GRIK1: variants seen among roughly 807,000 people sequenced by gnomAD.
The protein encoded by GRIK1 is glutamate ionotropic receptor kainate type subunit 1, also known as glutamate receptor ionotropic, kainate 1.
Under a neutral mutation model 105.7 loss-of-function variants are expected in GRIK1, and 69 were observed. The observed-to-expected ratio is 0.65, with a 90% CI of 0.54 to 0.80. The LOEUF (loss-of-function observed/expected upper bound fraction) is 0.80, where lower values mean the gene tolerates loss of function less well. Among genes scored for constraint, GRIK1 ranks in the 30% least tolerant of loss-of-function variants. The probability of loss-of-function intolerance (pLI) is 0.00; values close to 1 mark genes in which losing one functional copy is unlikely to be tolerated. For missense variants in GRIK1, 1,109 were observed against 1,167.3 expected (o/e 0.95, Z 0.73); for synonymous variants, 438 against 431.3 (o/e 1.02, Z -0.19).
rs1568814323 is a variant in GRIK1, at chr21:29,560,405, CTTTCTTT to C, written c.2356+1212_2356+1218del. 1.4e-3 allele frequency among the ~76,000 whole-genome samples: 143 copies of C among 103,866 alleles called. 16 individuals are homozygous for C. Among genetic ancestry groups the C allele is most frequent in the African/African-American group, 6.3e-3 (134 of 21,378 alleles). The allele number at this position is 103,866 out of a possible 152,430, so 68.1% of individuals were successfully genotyped here. On this transcript the variant is annotated intron_variant, in intron 15 of 17. Coordinates refer to ENST00000327783, the MANE Select transcript of GRIK1 (RefSeq NM_001330994.2). ...CCTTCCTTCCTTCCTTCCTTCCTTT[CTTTCTTT>C]CTTTCTTTCTTTCTTTCTTTCTTTC...
chr21:29,802,764 C>A (rs1779632142), intron 1 of GRIK1, among the ~76,000 whole-genome samples: 1 of 152,148 alleles, frequency 6.6e-6, no homozygotes, highest in Admixed American at 6.6e-5. Flanking sequence ...CCTCTGTCTG[C>A]CAAGAAATGT....
chr21:29,618,945 G>A (rs2061916689), intron 7 of GRIK1, among the ~76,000 whole-genome samples: 1 of 151,560 alleles, frequency 6.6e-6, no homozygotes, highest in Non-Finnish European at 1.5e-5. Context: ...GGCTAACAAG[G>A]TGAAACCCCG....
At chr21:29,706,126 G>A (rs528987343) in intron 1 of GRIK1, among the ~76,000 whole-genome samples, 3 of 152,070 alleles carry the variant, frequency 2.0e-5, no homozygotes, top group South Asian at 2.1e-4. Context: ...TGTCCGCCTC[G>A]GCCTCCCAAA....
chr21:29,772,839 T>A (rs78927935), intron 1 of GRIK1, among the ~76,000 whole-genome samples: 5 of 152,228 alleles, frequency 3.3e-5, no homozygotes, highest in Admixed American at 3.3e-4. Context: ...ATGATAAATA[T>A]CATGTTTCAG....
intron 1 of GRIK1, among the ~76,000 whole-genome samples, chr21:29,760,719 TC>T (rs1461482539): frequency 1.3e-5 from 2 of 152,216 alleles, no homozygotes; most frequent in African/African-American, 4.8e-5. Flanking sequence ...TTATACACGA[TC>T]TTGCAGAGGT....
intron 1 of GRIK1, among the ~76,000 whole-genome samples, chr21:29,914,635 C>T (rs953297002): frequency 3.9e-5 from 6 of 152,196 alleles, no homozygotes; most frequent in South Asian, 4.1e-4. Flanking sequence ...TTCTCTTCCC[C>T]CATCTCCCTA....
chr21:29,666,780 G>A (rs559482935), intron 4 of GRIK1, among the ~76,000 whole-genome samples: 4 of 152,192 alleles, frequency 2.6e-5, no homozygotes, highest in Non-Finnish European at 5.9e-5. Context: ...GAAGTGCAAG[G>A]CTTAACTAAA....
At chr21:29,914,378 C>T (rs144680319) in intron 1 of GRIK1, among the ~76,000 whole-genome samples, 255 of 152,104 alleles carry the variant, frequency 1.7e-3, no homozygotes, top group Non-Finnish European at 2.8e-3. Context: ...AGAAAGCTCC[C>T]GAAGTAAGGC....
At chr21:29,926,071 T>C (rs1219721402) in intron 1 of GRIK1, among the ~76,000 whole-genome samples, 1 of 149,476 alleles carries the variant, frequency 6.7e-6, no homozygotes, top group Non-Finnish European at 1.5e-5. Context: ...AACTGTAGGA[T>C]AAGTTAATCA....
At chr21:29,641,193 G>T (rs529002456) in intron 7 of GRIK1, among the ~76,000 whole-genome samples, 1 of 152,250 alleles carries the variant, frequency 6.6e-6, no homozygotes, top group Non-Finnish European at 1.5e-5. Context: ...GTTTTGGTGT[G>T]TCCCCACCCA....
At chr21:29,905,000 C>T (rs1398708227) in intron 1 of GRIK1, among the ~76,000 whole-genome samples, 1 of 152,190 alleles carries the variant, frequency 6.6e-6, no homozygotes, top group Non-Finnish European at 1.5e-5. Context: ...TATCAGGCCA[C>T]ACGAGGTCCT....
At chr21:29,621,607 A>G (rs1262295089) in intron 7 of GRIK1, among the ~76,000 whole-genome samples, 4 of 152,188 alleles carry the variant, frequency 2.6e-5, no homozygotes, top group African/African-American at 7.2e-5. Context: ...AGTATTATCT[A>G]GATTTTAAAA....
At chr21:29,720,840 C>A (rs1211949754) in intron 1 of GRIK1, among the ~76,000 whole-genome samples, 1 of 152,114 alleles carries the variant, frequency 6.6e-6, no homozygotes, top group African/African-American at 2.4e-5. Context: ...GCAGATAAAA[C>A]TGAAAGAGTT....
intron 1 of GRIK1, among the ~76,000 whole-genome samples, chr21:29,800,418 C>A (rs548779918): frequency 6.6e-6 from 1 of 152,148 alleles, no homozygotes; most frequent in South Asian, 2.1e-4. Context: ...AAGAAGACAC[C>A]TTTATTAAGC....
At chr21:29,834,706 A>C (rs1286810650) in intron 1 of GRIK1, among the ~76,000 whole-genome samples, 2 of 151,416 alleles carry the variant, frequency 1.3e-5, no homozygotes, top group Admixed American at 6.6e-5. Flanking sequence ...GAAAGTGTTT[A>C]ATGAGTTAAC....
chr21:29,591,207 T>A lies in GRIK1; in HGVS notation c.1270A>T (p.Asn424Tyr). 6.2e-7 allele frequency: 1 copy of A among 1,603,108 alleles called. No individual in the cohort carries two copies. The part of the protein sequence containing the change: ...VWKKIGIWNS[N>Y]SGLNMTDSNK... ...CTGTCCGTCATGTTAAGCCCACTGT[T>A]GGAATTCCAAATCCCAATCTACACA... Residue 424 changes from asparagine (N) to tyrosine (Y), a missense_variant, in exon 10 of 18, where the codon AAC becomes TAC. Around this residue, in one of 5 missense-constraint regions of GRIK1, gnomAD observed 612 missense variants for 586.0 expected, o/e 1.04. Transcript: ENST00000327783.
At chr21:29,786,173 G>T (rs1569091914) in intron 1 of GRIK1, among the ~76,000 whole-genome samples, 1 of 152,174 alleles carries the variant, frequency 6.6e-6, no homozygotes, top group Non-Finnish European at 1.5e-5. Flanking sequence ...ATTTTTAGTA[G>T]AGATGGGGTT....
intron 1 of GRIK1, among the ~76,000 whole-genome samples, chr21:29,855,764 C>T (rs1377195901): frequency 6.6e-6 from 1 of 151,976 alleles, no homozygotes; most frequent in Admixed American, 6.6e-5. Context: ...ATAAACAACC[C>T]AGATGAGAGG....
At chr21:29,591,018 G>C in intron 10 of GRIK1, 94 bp downstream of exon 10, 1 of 780,988 alleles carries the variant, frequency 1.3e-6, no homozygotes, top group South Asian at 1.4e-5. Flanking sequence ...TTTGCAGACA[G>C]AAGCGTTGGC....
Sources: gnomAD v4.1 joint callset for allele counts (sites outside exome capture counted in the v4.1 genomes callset) on GRCh38, gnomAD v4.1.1 for gene constraint, gnomAD v4.1.1 regional missense constraint, MANE v1.5 for transcripts, NCBI Gene and HGNC (gene_info 2026-07-23, HGNC 2026-07-21) for gene names.